TTC39A: variants seen among roughly 807,000 people sequenced by gnomAD.
TTC39A encodes the protein tetratricopeptide repeat domain 39A, also known as tetratricopeptide repeat protein 39A.
TTC39A carries 46 observed loss-of-function variants against 82.3 expected under a neutral mutation model. The ratio of observed to expected loss-of-function variants is 0.56; its 90% CI spans 0.44 to 0.71. The LOEUF (loss-of-function observed/expected upper bound fraction) is 0.71. Among genes scored for constraint, TTC39A ranks in the 30% least tolerant of loss-of-function variants. The pLI is 0.00. For synonymous variants in TTC39A, 254 were observed against 275.2 expected (o/e 0.92, Z 0.76); for missense variants, 543 against 712.9 (o/e 0.76, Z 2.71).
At chr1:51,295,862 T>G (rs1644396271) in intron 13 of TTC39A, 1 of 599,620 alleles carries the variant, frequency 1.7e-6, no homozygotes, top group Admixed American at 2.9e-5. Flanking sequence ...AGAAAGCCTC[T>G]GAAGAAAGTC....
At position 51,296,157 on chromosome 1, in the gene TTC39A, T is replaced by A; in HGVS notation, c.1067A>T (p.Tyr356Phe). Residue 356 changes from tyrosine to phenylalanine, a missense_variant, in exon 13 of 18, where the codon TAC (tyrosine) becomes TTC (phenylalanine). Physicochemically the swap from Tyr to Phe is conservative, Grantham distance 22. Coordinates refer to ENST00000680483, the MANE Select transcript of TTC39A (RefSeq NM_001297663.2). ...CATGCTGAGGTAGGCGGCCTTCATG[T>A]AAATGTAGGTGGCCTGTGCGAGACA... ...ENCWSKATYI[Y>F]MKAAYLSMFG... The A allele has an allele frequency of 6.3e-7, 1 of 1,594,804 alleles. No homozygotes were observed. Among genetic ancestry groups the A allele is most frequent in the Non-Finnish European group, 8.5e-7 (1 of 1,170,874 alleles).
chr1:51,330,959 G>T, upstream of TTC39A: 1 of 644,964 alleles, frequency 1.6e-6, no homozygotes, highest in Non-Finnish European at 2.8e-6. The surrounding 1 kb of genome is among the most constrained non-coding windows in gnomAD (Gnocchi z 4.5). Context: ...AGCCCCCAGA[G>T]TCAGGCCTGG....
chr1:51,294,268 C>T lies in TTC39A; in HGVS notation c.1266+123G>A. ...CAGACTCCCAGGTGAATTGTGAAAC[C>T]CTCCCCAGGCCCCTGAGGCATGAAG... On this transcript the variant is annotated intron_variant, in intron 14 of 17. Transcript: ENST00000680483. This position sits in a 1 kb window ranked among gnomAD's most constrained non-coding sequence, Gnocchi z 4.3. 6.8e-7 allele frequency: 1 copy of T among 1,476,774 alleles called. No individual in the cohort carries two copies. The highest frequency in any genetic ancestry group is 1.3e-5 in the South Asian group (1 of 75,636). The allele number at this position is 1,476,774 out of a possible 1,614,324, so 91.5% of individuals were successfully genotyped here. A position where few individuals can be genotyped will look rare whatever the true frequency, so the allele number is the denominator to read the frequency against.
Position 51,301,554 on chromosome 1 carries a change from C to T in TTC39A, c.1053+18G>A. ...AGCCCTGGTCACCCAATGCCCCTAA[C>T]ACGTGGCATCAGCCCACCTTGGACC... On this transcript the variant is annotated intron_variant, in intron 12 of 17. Coordinates refer to ENST00000680483, the MANE Select transcript of TTC39A (RefSeq NM_001297663.2). The T allele has an allele frequency of 6.3e-7, 1 of 1,585,696 alleles. No individual in the cohort carries two copies. The highest frequency in any genetic ancestry group is 8.6e-7 in the Non-Finnish European group (1 of 1,162,422).
chr1:51,296,028 G>A (rs769848752), intron 13 of TTC39A, 51 bp downstream of exon 13: 28 of 1,541,218 alleles, frequency 1.8e-5, no homozygotes, highest in Non-Finnish European at 2.6e-6. Context: ...GTCCATAGCG[G>A]CCTACACGGT....
chr1:51,288,829 C>T lies in TTC39A; in HGVS notation c.1610+10G>A, dbSNP rs549956093. 3 of 1,591,192 alleles carry T rather than the reference C, an allele frequency of 1.9e-6. No individual in the cohort carries two copies. The South Asian group carries it at 3.4e-5, about 18-fold the overall frequency. On this transcript the variant is annotated intron_variant, in intron 17 of 17. Transcript: ENST00000680483. The surrounding 1 kb of genome is among the most constrained non-coding windows in gnomAD (Gnocchi z 4.8). ...GAGCAAAGGACAGACTGAGGTTACC[C>T]AAGCCTTACTTGGCAGATTCCAAAA...
At chr1:51,289,019 AT>A in intron 16 of TTC39A, 64 bp from the exon 17 acceptor site, 1 of 1,467,350 alleles carries the variant, frequency 6.8e-7, no homozygotes, top group Non-Finnish European at 9.3e-7. Context: ...GCATGTGAGG[AT>A]TTCCTAACCC....
upstream of TTC39A, among the ~76,000 whole-genome samples, chr1:51,332,964 GC>G (rs2148316512): frequency 6.6e-6 from 1 of 152,238 alleles, no homozygotes; most frequent in South Asian, 2.1e-4. Context: ...TGTAATCCCA[GC>G]ACTTTGGGAG....
intron 1 of TTC39A, among the ~76,000 whole-genome samples, chr1:51,327,699 ATTT>A (rs558622704): frequency 5.1e-5 from 7 of 138,492 alleles, no homozygotes; most frequent in African/African-American, 8.0e-5. Flanking sequence ...ATGTATTGCC[ATTT>A]TTTTTTTTTT....
chr1:51,293,066 A>G (rs1420746004), intron 14 of TTC39A, among the ~76,000 whole-genome samples: 2 of 130,582 alleles, frequency 1.5e-5, no homozygotes, highest in Admixed American at 1.6e-4. Context: ...GCTTTACTGT[A>G]TTTTTTTTTT....
At chr1:51,336,509 G>A (rs1429732008) in intron 1 of TTC39A, among the ~76,000 whole-genome samples, 1 of 152,118 alleles carries the variant, frequency 6.6e-6, no homozygotes, top group African/African-American at 2.4e-5. Context: ...TCTAAAGAAG[G>A]AGCCTGGGTT....
At chr1:51,332,157 G>A (rs114289640), upstream of TTC39A, among the ~76,000 whole-genome samples, 519 of 152,282 alleles carry the variant, frequency 3.4e-3, no homozygotes, top group Non-Finnish European at 5.7e-3. Flanking sequence ...TGGGGAGGCC[G>A]CTGTTCAAAA....
Position 51,289,012 on chromosome 1 carries a change from T to C in TTC39A, c.1494-57A>G, listed in dbSNP as rs1056105577. 2.4e-5 allele frequency: 36 copies of C among 1,488,708 alleles called. 1 individual carries two copies. The highest frequency in any genetic ancestry group is 3.4e-4 in the Middle Eastern group (2 of 5,826). 92.2% of individuals were successfully genotyped at this position (1,488,708 alleles called of 1,614,324 possible). On this transcript the variant is annotated intron_variant, in intron 16 of 17. Coordinates refer to ENST00000680483, the MANE Select transcript of TTC39A (RefSeq NM_001297663.2). ...CCTCCTGAGCCTCTCCCAAACTGCA[T>C]GTGAGGATTTCCTAACCCGAACTCC...
upstream of TTC39A, chr1:51,331,216 C>G: frequency 6.5e-7 from 1 of 1,547,278 alleles, no homozygotes; most frequent in Non-Finnish European, 8.7e-7. Flanking sequence ...ACACTCTGGC[C>G]CCTTTCCCCC....
At chr1:51,308,666 G>A (rs956976254) in intron 6 of TTC39A, among the ~76,000 whole-genome samples, 7 of 152,224 alleles carry the variant, frequency 4.6e-5, no homozygotes. Context: ...GGGTAAAAAT[G>A]TTCCAAACGG....
Position 51,288,727 on chromosome 1 carries a change from C to T in TTC39A, c.1610+112G>A. ...CAGGTCCACCCTCTAGACTGCCAGA[C>T]TGGCCTTGCTAGCAACTCCACTCAC... On this transcript the variant is annotated intron_variant, in intron 17 of 17. Transcript: ENST00000680483. The surrounding 1 kb of genome is among the most constrained non-coding windows in gnomAD (Gnocchi z 4.8). The T allele has an allele frequency of 6.3e-6, 6 of 958,896 alleles. No homozygotes were observed. Among genetic ancestry groups the T allele is most frequent in the Non-Finnish European group, 9.6e-6 (6 of 627,062 alleles). 59.4% of individuals were successfully genotyped at this position (958,896 alleles called of 1,614,324 possible). A position where few individuals can be genotyped will look rare whatever the true frequency, so the allele number is the denominator to read the frequency against.
In TTC39A at chr1:51,330,497, C is replaced by A; in HGVS notation, c.-20G>T. 1.0e-6 allele frequency: 1 copy of A among 983,624 alleles called. No individual in the cohort carries two copies. Among genetic ancestry groups the A allele is most frequent in the Non-Finnish European group, 1.2e-6 (1 of 830,154 alleles). 60.9% of individuals were successfully genotyped at this position (983,624 alleles called of 1,614,324 possible). A position where few individuals can be genotyped will look rare whatever the true frequency, so the allele number is the denominator to read the frequency against. On this transcript the variant is annotated 5_prime_UTR_variant, in exon 1 of 18. Transcript: ENST00000680483. This position sits in a 1 kb window ranked among gnomAD's most constrained non-coding sequence, Gnocchi z 4.5. ...GGTCATCGCCGAGGGGCGCGGGCGG[C>A]GCTGCCCCAGCCGGACGCCAATCGC... is the stretch of plus-strand genomic sequence containing the variant.
intron 16 of TTC39A, 114 bp from the exon 17 acceptor site, chr1:51,289,069 G>T: frequency 1.1e-6 from 1 of 876,170 alleles, no homozygotes; most frequent in Non-Finnish European, 1.8e-6. Flanking sequence ...CCCAGCCCTA[G>T]AAAGGCTGGG....
In TTC39A at chr1:51,329,903, G is replaced by A. The variant is rs575067685; in HGVS notation, c.41+534C>T. On this transcript the variant is annotated intron_variant, in intron 1 of 17. Coordinates refer to ENST00000680483, the MANE Select transcript of TTC39A (RefSeq NM_001297663.2). ...GACAACACCCACTTTTTACTACCCA[G>A]GTTCCTGCTGCACCCAATGGGCCCG... The A allele has an allele frequency of 2.6e-5, 4 of 154,454 alleles. No individual in the cohort carries two copies. In the South Asian group the frequency reaches 8.2e-4, roughly 32 times the overall value. The allele number at this position is 154,454 out of a possible 1,614,324, so 9.6% of individuals were successfully genotyped here.
Sources: allele counts gnomAD v4.1 joint callset (sites outside exome capture counted in the v4.1 genomes callset), GRCh38; gene constraint gnomAD v4.1.1; non-coding constraint Gnocchi (gnomAD v3.1); transcripts MANE v1.5; gene names NCBI Gene and HGNC (gene_info 2026-07-23, HGNC 2026-07-21).